DIAPH1: variants seen among roughly 807,000 people sequenced by gnomAD.
DIAPH1 encodes diaphanous related formin 1.
A neutral mutation model predicts 140.7 loss-of-function variants in DIAPH1; 46 were observed. The observed-to-expected ratio is 0.33, with a 90% CI of 0.26 to 0.42. The LOEUF (loss-of-function observed/expected upper bound fraction) is 0.42. DIAPH1 is among the 10% of genes least tolerant of loss of function. The pLI, the probability that DIAPH1 is intolerant of heterozygous loss-of-function variation, is 1.00. For missense variants in DIAPH1, 1,310 were observed against 1,558.7 expected, an observed-to-expected ratio of 0.84 and a Z score of 2.69; for synonymous variants, 565 against 551.6, an observed-to-expected ratio of 1.02 and a Z score of -0.34.
intron 18 of DIAPH1, among the ~76,000 whole-genome samples, chr5:141,535,150 A>G (rs987144198): frequency 6.6e-6 from 1 of 152,190 alleles, no homozygotes; most frequent in South Asian, 2.1e-4. Flanking sequence ...AGGTTTCACC[A>G]TATTGCCCAG....
intron 17 of DIAPH1, 54 bp downstream of exon 17, chr5:141,571,872 A>G: frequency 1.5e-6 from 2 of 1,324,242 alleles, no homozygotes; most frequent in Non-Finnish European, 2.2e-6. Context: ...AACCTAATGA[A>G]AAAATATTCT....
rs2154596284 is a variant in DIAPH1, at chr5:141,573,749, G to GA, written c.2100dup (p.Pro701SerfsTer74). ...CCAGGCAAGGGAGGAGGTGGGGGGGGAATTCCAGCACTCCCAGGCAAAGGA... is the reference window on the plus strand; with the variant it reads ...CCAGGCAAGGGAGGAGGTGGGGGGGGAAATTCCAGCACTCCCAGGCAAAGGA... On this transcript the variant is annotated frameshift_variant, in exon 16 of 28. Transcript: ENST00000389054. LOFTEE classifies it high-confidence loss of function. The GA allele has an allele frequency of 2.4e-6, 3 of 1,258,436 alleles. No homozygotes were observed. Among genetic ancestry groups the GA allele is most frequent in the Non-Finnish European group, 3.2e-6 (3 of 951,574 alleles). The allele number at this position is 1,258,436 out of a possible 1,614,324, so 78.0% of individuals were successfully genotyped here.
intron 21 of DIAPH1, 88 bp from the exon 22 acceptor site, chr5:141,529,029 A>G: frequency 6.3e-7 from 1 of 1,598,340 alleles, no homozygotes; most frequent in Non-Finnish European, 8.6e-7. Flanking sequence ...TGGGAGGATC[A>G]CAGCTCCAGA....
chr5:141,583,782 C>T (rs2099897123), intron 4 of DIAPH1, among the ~76,000 whole-genome samples, 167 bp from the exon 5 acceptor site: 1 of 152,146 alleles, frequency 6.6e-6, no homozygotes, highest in Non-Finnish European at 1.5e-5. Flanking sequence ...CTCAAGTGAT[C>T]CTTCTGCCTC....
At chr5:141,607,683 C>A (rs184095591) in intron 1 of DIAPH1, among the ~76,000 whole-genome samples, 11 of 152,308 alleles carry the variant, frequency 7.2e-5, no homozygotes, top group Admixed American at 2.6e-4. Context: ...TTAAATGGTT[C>A]TACTAAACCT....
intron 3 of DIAPH1, among the ~76,000 whole-genome samples, chr5:141,586,314 T>C (rs569448666): frequency 1.3e-5 from 2 of 152,254 alleles, no homozygotes; most frequent in Non-Finnish European, 2.9e-5. Context: ...GAGTGCTTAC[T>C]ATGTACCAGG....
intron 18 of DIAPH1, among the ~76,000 whole-genome samples, chr5:141,555,928 C>T (rs1182874047): frequency 6.6e-6 from 1 of 152,160 alleles, no homozygotes; most frequent in Non-Finnish European, 1.5e-5. Context: ...ACAGACCAGA[C>T]TCTACGAGTG....
At chr5:141,590,637 CCAAGCAA>C (rs1309846963) in intron 1 of DIAPH1, among the ~76,000 whole-genome samples, 1 of 151,758 alleles carries the variant, frequency 6.6e-6, no homozygotes, top group Non-Finnish European at 1.5e-5. Flanking sequence ...TCCCTCAGAA[CCAAGCAA>C]CAAGCAAACA....
chr5:141,565,688 G>A lies in DIAPH1; in HGVS notation c.2482+5740C>T, dbSNP rs1331248397. ...TTGGGCTGTTGAGGAGGAAAAAAAG[G>A]TGTGAAATAACCTTTAGGAGAGCAG... On this transcript the variant is annotated intron_variant, in intron 18 of 27. Transcript: ENST00000389054. The surrounding 1 kb of genome is among the most constrained non-coding windows in gnomAD (Gnocchi z 4.3). Among the ~76,000 whole-genome samples, 2 of 152,182 alleles carry A rather than the reference G, an allele frequency of 1.3e-5. No individual in the cohort carries two copies. Among genetic ancestry groups the A allele is most frequent in the Admixed American group, 1.3e-4 (2 of 15,276 alleles).
At position 141,534,384 on chromosome 5, in the gene DIAPH1, T is replaced by C. The variant is rs1231121355; in HGVS notation, c.2532A>G (p.Lys844=). ...CCAACACCTTTAACTCTTTTACTTT[T>C]TTCTTTTGCACAGATTTCTTTTCTT... is the stretch of plus-strand genomic sequence containing the variant. ...GGEEKKSVQK[K]KVKELKVLDS... Residue 844 remains lysine (K), a synonymous_variant, in exon 19 of 28, where the codon AAA becomes AAG. Transcript: ENST00000389054. 6.2e-7 allele frequency: 1 copy of C among 1,613,856 alleles called. No individual in the cohort carries two copies. The highest frequency in any genetic ancestry group is 8.5e-7 in the Non-Finnish European group (1 of 1,180,034).
intron 1 of DIAPH1, among the ~76,000 whole-genome samples, chr5:141,600,632 A>G (rs1193026906): frequency 2.0e-5 from 3 of 152,072 alleles, no homozygotes; most frequent in Non-Finnish European, 4.4e-5. Flanking sequence ...CAGTTCCCCC[A>G]TTTATTAACC....
chr5:141,568,316 T>C (rs1036860361), intron 18 of DIAPH1, among the ~76,000 whole-genome samples: 1 of 151,168 alleles, frequency 6.6e-6, no homozygotes, highest in Non-Finnish European at 1.5e-5. Context: ...GAAATTTAAC[T>C]ATTGGACCTA....
At chr5:141,542,087 A>G (rs1162127516) in intron 18 of DIAPH1, among the ~76,000 whole-genome samples, 3 of 152,242 alleles carry the variant, frequency 2.0e-5, no homozygotes, top group Non-Finnish European at 2.9e-5. Flanking sequence ...AAATGGATAC[A>G]AGTACATGCA....
chr5:141,605,547 C>T (rs1158374306), intron 1 of DIAPH1, among the ~76,000 whole-genome samples: 1 of 152,134 alleles, frequency 6.6e-6, no homozygotes, highest in Non-Finnish European at 1.5e-5. Flanking sequence ...CTTAAGGAAA[C>T]ACTCCTGACA....
In DIAPH1 at chr5:141,546,440, G is replaced by A. The variant is rs141157456; in HGVS notation, c.2483-12007C>T. Among the ~76,000 whole-genome samples the A allele has an allele frequency of 2.1e-3, 323 of 152,118 alleles. 7 individuals carry two copies. The East Asian group carries it at 0.039, about 18-fold the overall frequency. On this transcript the variant is annotated intron_variant, in intron 18 of 27. Transcript: ENST00000389054. Reference sequence around the variant, plus strand: ...TAGGAGGCCGAGGCAGGTGGATCACGAGGTCAGGAGTTCAAGACCAGCCTG... The same window carrying A: ...TAGGAGGCCGAGGCAGGTGGATCACAAGGTCAGGAGTTCAAGACCAGCCTG...
chr5:141,575,955 G>A (rs1204921904), intron 14 of DIAPH1, among the ~76,000 whole-genome samples: 5 of 152,160 alleles, frequency 3.3e-5, no homozygotes, highest in African/African-American at 1.2e-4. Flanking sequence ...GCAAACCTGA[G>A]AGTGCCATTA....
intron 27 of DIAPH1, among the ~76,000 whole-genome samples, chr5:141,519,403 T>C (rs1488955880): frequency 6.6e-6 from 1 of 152,176 alleles, no homozygotes; most frequent in East Asian, 1.9e-4. Context: ...TGTGTAACTC[T>C]AGTGGTATAT....
At chr5:141,616,286 G>A (rs2099902665) in intron 1 of DIAPH1, among the ~76,000 whole-genome samples, 1 of 152,168 alleles carries the variant, frequency 6.6e-6, no homozygotes, top group Non-Finnish European at 1.5e-5. Flanking sequence ...TCCGTATTTA[G>A]AACCTGCATA....
chr5:141,581,605 G>A (rs909512911), intron 7 of DIAPH1, among the ~76,000 whole-genome samples: 1 of 152,164 alleles, frequency 6.6e-6, no homozygotes, highest in African/African-American at 2.4e-5. Context: ...TGTCCTCAGA[G>A]GCACAGGACT....
Sources: gnomAD v4.1 joint callset for allele counts (sites outside exome capture counted in the v4.1 genomes callset) on GRCh38, gnomAD v4.1.1 for gene constraint, Gnocchi (gnomAD v3.1) non-coding constraint, MANE v1.5 for transcripts, NCBI Gene and HGNC (gene_info 2026-07-23, HGNC 2026-07-21) for gene names.